Variants in ARHGAP24 observed in about 807,000 individuals in gnomAD.
The protein encoded by ARHGAP24 is rho GTPase-activating protein 24.
In ARHGAP24, 50 loss-of-function variants were observed where a neutral mutation model predicts 76.4. That is an observed-to-expected ratio of 0.65 (90% CI 0.52 to 0.83). ARHGAP24 has a LOEUF of 0.83. ARHGAP24 is among the 40% of genes least tolerant of loss of function. The probability of loss-of-function intolerance (pLI) is 0.00; values close to 1 mark genes in which losing one functional copy is unlikely to be tolerated. For missense variants in ARHGAP24, 930 were observed against 914.2 expected, an observed-to-expected ratio of 1.02 and a Z score of -0.22; for synonymous variants, 345 against 323.3, an observed-to-expected ratio of 1.07 and a Z score of -0.72.
intron 3 of ARHGAP24, among the ~76,000 whole-genome samples, chr4:85,796,538 AT>A (rs1728348464): frequency 6.6e-6 from 1 of 152,218 alleles, no homozygotes; most frequent in South Asian, 2.1e-4. Context: ...GCCTTCAGGC[AT>A]GGCGTATCAA....
chr4:85,659,617 T>C (rs1722304874), intron 2 of ARHGAP24, among the ~76,000 whole-genome samples: 2 of 152,158 alleles, frequency 1.3e-5, no homozygotes, highest in African/African-American at 4.8e-5. Flanking sequence ...GTCTTAGAAA[T>C]AGAAAATTAT....
rs557858635 is a variant in ARHGAP24 at position 85,970,731 on chromosome 4, A to G, written c.600-1305A>G. The stretch of plus-strand genomic sequence containing the variant: ...TCTCAGAGCACACCTCTCTGGGGAC[A>G]TGTCATTTCCTGCAGCACAGCTTGG... On this transcript the variant is annotated intron_variant, in intron 5 of 9. Coordinates refer to ENST00000395184, the MANE Select transcript of ARHGAP24 (RefSeq NM_001025616.3). 3.3e-5 allele frequency among the ~76,000 whole-genome samples: 5 copies of G among 152,240 alleles called. No homozygotes were observed. The South Asian group carries it at 1.0e-3, about 32-fold the overall frequency.
intron 3 of ARHGAP24, among the ~76,000 whole-genome samples, chr4:85,729,691 C>T (rs1054295520): frequency 7.9e-5 from 12 of 152,172 alleles, no homozygotes; most frequent in Non-Finnish European, 1.6e-4. Flanking sequence ...AAGGTTTCCA[C>T]TACAGTTGTT....
intron 3 of ARHGAP24, among the ~76,000 whole-genome samples, chr4:85,901,807 A>T (rs1734507951): frequency 6.6e-6 from 1 of 150,658 alleles, no homozygotes; most frequent in African/African-American, 2.4e-5. Context: ...TATCTGCCAC[A>T]TTTTTTTTTG....
chr4:85,998,266 A>G (rs1454807484), intron 9 of ARHGAP24, among the ~76,000 whole-genome samples: 2 of 152,198 alleles, frequency 1.3e-5, no homozygotes, highest in Admixed American at 6.5e-5. Context: ...TACTAGGTGA[A>G]TAGAAGTTTG....
At chr4:85,662,658 G>T (rs1387620219) in intron 2 of ARHGAP24, among the ~76,000 whole-genome samples, 1 of 151,824 alleles carries the variant, frequency 6.6e-6, no homozygotes. Flanking sequence ...TAGGTCTAAC[G>T]TTTAAGTCTT....
rs79670588 is a variant in ARHGAP24 at position 85,736,431 on chromosome 4, T to C, written c.268+14459T>C. On this transcript the variant is annotated intron_variant, in intron 3 of 9. Coordinates refer to ENST00000395184, the MANE Select transcript of ARHGAP24 (RefSeq NM_001025616.3). ...ACAGGAAGGTAGTGTAATGTAGAAA[T>C]GGGTAGCTTCTGGGGTTACTAATCA... is the stretch of plus-strand genomic sequence containing the variant. Among the ~76,000 whole-genome samples, 71 of 152,290 alleles carry C rather than the reference T, an allele frequency of 4.7e-4. 1 individual carries two copies. The East Asian group carries it at 0.013, about 28-fold the overall frequency.
chr4:85,754,573 G>A (rs566137466), intron 3 of ARHGAP24, among the ~76,000 whole-genome samples: 1 of 152,102 alleles, frequency 6.6e-6, no homozygotes, highest in Non-Finnish European at 1.5e-5. Context: ...AGATACATAC[G>A]ACAGACAACA....
chr4:85,694,192 C>A (rs766340599), intron 2 of ARHGAP24, among the ~76,000 whole-genome samples: 1 of 152,054 alleles, frequency 6.6e-6, no homozygotes, highest in Non-Finnish European at 1.5e-5. Context: ...TTGGTGGGAG[C>A]AGCACTTTCT....
In ARHGAP24 at chr4:85,994,730, A is replaced by G. The variant is rs115836717; in HGVS notation, c.1076A>G (p.Gln359Arg). 2.5e-4 allele frequency: 410 copies of G among 1,614,166 alleles called. 3 individuals are homozygous for G. In the African/African-American group the frequency reaches 4.5e-3, roughly 18 times the overall value. ...AAGAAAGCCACCATGGGGCAGTTAC[A>G]GAACAAGGAGAACAATAACACCAAG... ...IQKKATMGQLQNKENNNTKDS... is the reference protein window; with the variant it reads ...IQKKATMGQLRNKENNNTKDS... Residue 359 changes from glutamine (Q) to arginine (R), a missense_variant, in exon 9 of 10, where the codon CAG becomes CGG. By Grantham distance (43) the Gln-to-Arg change is conservative. Transcript: ENST00000395184.
rs56379272 is a variant in ARHGAP24, at chr4:85,827,461, C to CGTGTGTGTGTGTGTGTGTGTGT, written c.269-96152_269-96131dup. Reference sequence around the variant, plus strand: ...TAGAATAGCTACACTGAAGTCTGCCCGTGTGTGTGTGTGTGTGTGTGTGTG... The same window carrying CGTGTGTGTGTGTGTGTGTGTGT: ...TAGAATAGCTACACTGAAGTCTGCCCGTGTGTGTGTGTGTGTGTGTGTGTGTGTGTGTGTGTGTGTGTGTGTG... On this transcript the variant is annotated intron_variant, in intron 3 of 9. Transcript: ENST00000395184. Among the ~76,000 whole-genome samples the CGTGTGTGTGTGTGTGTGTGTGT allele has an allele frequency of 9.3e-4, 101 of 108,706 alleles. 3 individuals are homozygous for CGTGTGTGTGTGTGTGTGTGTGT. Among genetic ancestry groups the CGTGTGTGTGTGTGTGTGTGTGT allele is most frequent in the Non-Finnish European group, 1.1e-3 (59 of 51,596 alleles). 71.3% of individuals were successfully genotyped at this position (108,706 alleles called of 152,430 possible).
At chr4:85,857,515 T>G (rs1233358166) in intron 3 of ARHGAP24, among the ~76,000 whole-genome samples, 1 of 152,154 alleles carries the variant, frequency 6.6e-6, no homozygotes, top group Non-Finnish European at 1.5e-5. Context: ...TTTTTTGGTT[T>G]CCCCCAACCC....
chr4:85,727,283 T>C (rs1437026628), intron 3 of ARHGAP24, among the ~76,000 whole-genome samples: 1 of 152,116 alleles, frequency 6.6e-6, no homozygotes, highest in Non-Finnish European at 1.5e-5. Flanking sequence ...AAGTTATTTT[T>C]TGAACTGGAA....
chr4:85,555,469 T>G (rs953511064), intron 1 of ARHGAP24, among the ~76,000 whole-genome samples: 2 of 152,218 alleles, frequency 1.3e-5, no homozygotes, highest in African/African-American at 4.8e-5. Context: ...AGGTGGTGCT[T>G]AAGCATAATG....
intron 2 of ARHGAP24, among the ~76,000 whole-genome samples, chr4:85,590,209 C>G (rs950883847): frequency 0.016 from 1,167 of 74,942 alleles, 18 homozygotes; most frequent in African/African-American, 0.041. Context: ...TTCCTTCCTT[C>G]CTTCCTTCCT....
chr4:85,585,217 G>A (rs540900365), intron 2 of ARHGAP24, among the ~76,000 whole-genome samples: 1 of 152,244 alleles, frequency 6.6e-6, no homozygotes, highest in African/African-American at 2.4e-5. Flanking sequence ...CAATGAAAAA[G>A]ATTTGTTAAC....
At chr4:85,710,275 TGATAGTGAGATAA>T (rs1724475866) in intron 2 of ARHGAP24, among the ~76,000 whole-genome samples, 1 of 152,094 alleles carries the variant, frequency 6.6e-6, no homozygotes, top group Admixed American at 6.6e-5. Context: ...ATTCAATAAA[TGATAGTGAGATAA>T]CTGGCTAGCC....
chr4:85,869,546 A>G (rs1298466849), intron 3 of ARHGAP24, among the ~76,000 whole-genome samples: 1 of 152,110 alleles, frequency 6.6e-6, no homozygotes, highest in Non-Finnish European at 1.5e-5. Context: ...GGAGGGAGGA[A>G]CCATTAAGCT....
chr4:85,746,765 C>G (rs1422299077), intron 3 of ARHGAP24, among the ~76,000 whole-genome samples: 1 of 152,106 alleles, frequency 6.6e-6, no homozygotes, highest in Non-Finnish European at 1.5e-5. Context: ...ATTCTTCTTG[C>G]CTCAGCCTCC....
Sources: gnomAD v4.1 joint callset for allele counts (sites outside exome capture counted in the v4.1 genomes callset) on GRCh38, gnomAD v4.1.1 for gene constraint, MANE v1.5 for transcripts, NCBI Gene and HGNC (gene_info 2026-07-23, HGNC 2026-07-21) for gene names.